Variants in MAP3K13 observed in about 807,000 individuals in gnomAD.
The protein encoded by MAP3K13 is leucine zipper-bearing kinase.
In MAP3K13, 52 loss-of-function variants were observed where a neutral mutation model predicts 104.0. The observed-to-expected ratio is 0.50, with a 90% CI of 0.40 to 0.63. The LOEUF is 0.63. Ranked by LOEUF, MAP3K13 falls within the 20% of genes least tolerant of loss-of-function variation. The pLI, the probability that MAP3K13 is intolerant of heterozygous loss-of-function variation, is 0.00. For missense variants in MAP3K13, 914 were observed against 1,218.5 expected (o/e 0.75, Z 3.72); for synonymous variants, 394 against 442.2 (o/e 0.89, Z 1.37).
At chr3:185,314,214 A>G (rs1288392881) in intron 2 of MAP3K13, among the ~76,000 whole-genome samples, 1 of 152,352 alleles carries the variant, frequency 6.6e-6, no homozygotes, top group East Asian at 1.9e-4. Flanking sequence ...AATGCAAGTG[A>G]GTGCTCCCTT....
chr3:185,435,655 G>C (rs995083642), intron 2 of MAP3K13, among the ~76,000 whole-genome samples: 2 of 152,094 alleles, frequency 1.3e-5, no homozygotes, highest in Admixed American at 6.5e-5. Context: ...CAGGAGAACG[G>C]GATGAAGGCC....
intron 2 of MAP3K13, among the ~76,000 whole-genome samples, chr3:185,349,315 C>G (rs543956058): frequency 6.6e-6 from 1 of 152,022 alleles, no homozygotes; most frequent in Non-Finnish European, 1.5e-5. Context: ...TCCATCTTTA[C>G]GTACATGTGT....
chr3:185,357,323 C>A (rs1242053840), intron 2 of MAP3K13, among the ~76,000 whole-genome samples: 1 of 151,432 alleles, frequency 6.6e-6, no homozygotes, highest in Non-Finnish European at 1.5e-5. Flanking sequence ...TGGCGGGCGC[C>A]TGTAATCTCA....
intron 1 of MAP3K13, among the ~76,000 whole-genome samples, chr3:185,422,045 G>A (rs1019062764): frequency 6.6e-6 from 1 of 152,184 alleles, no homozygotes; most frequent in Non-Finnish European, 1.5e-5. Flanking sequence ...CACCCTTGAG[G>A]TTTACCTCAC....
chr3:185,429,103 C>T (rs1714603339), intron 2 of MAP3K13, 47 bp downstream of exon 2: 2 of 1,542,750 alleles, frequency 1.3e-6, no homozygotes, highest in Admixed American at 1.7e-5. Context: ...GTAAACACAC[C>T]ATCACCACCA....
At chr3:185,381,889 T>TA (rs1724738719) in intron 1 of MAP3K13, among the ~76,000 whole-genome samples, 1 of 152,222 alleles carries the variant, frequency 6.6e-6, no homozygotes, top group African/African-American at 2.4e-5. Context: ...CCTAACCCTA[T>TA]ACTTCCCCTA....
At chr3:185,348,755 A>G (rs1217910824) in intron 2 of MAP3K13, among the ~76,000 whole-genome samples, 1 of 152,072 alleles carries the variant, frequency 6.6e-6, no homozygotes, top group Non-Finnish European at 1.5e-5. Context: ...TGTCTTTACT[A>G]AAAATACAAA....
At chr3:185,304,600 T>G (rs1721214660) in intron 2 of MAP3K13, among the ~76,000 whole-genome samples, 1 of 152,150 alleles carries the variant, frequency 6.6e-6, no homozygotes, top group African/African-American at 2.4e-5. Context: ...TTTTTTAATT[T>G]CAAGTCTCTT....
chr3:185,401,795 T>C (rs1164723661), intron 1 of MAP3K13, among the ~76,000 whole-genome samples: 1 of 152,212 alleles, frequency 6.6e-6, no homozygotes, highest in African/African-American at 2.4e-5. Flanking sequence ...CATACTTCCA[T>C]GTGGAAATGA....
chr3:185,321,759 A>G (rs961879828), intron 2 of MAP3K13, among the ~76,000 whole-genome samples: 2 of 152,154 alleles, frequency 1.3e-5, no homozygotes, highest in African/African-American at 4.8e-5. Flanking sequence ...ATGCGCCACC[A>G]TGCCCGGCTA....
At chr3:185,331,912 A>T (rs1237343338) in intron 2 of MAP3K13, among the ~76,000 whole-genome samples, 2 of 152,144 alleles carry the variant, frequency 1.3e-5, no homozygotes, top group African/African-American at 4.8e-5. Flanking sequence ...AAATGTTTTC[A>T]GTTGTAATAT....
At chr3:185,363,401 C>T in intron 1 of MAP3K13, 33 bp downstream of exon 1, 1 of 943,100 alleles carries the variant, frequency 1.1e-6, no homozygotes, top group Non-Finnish European at 1.3e-6. Flanking sequence ...CCTGTTTCTT[C>T]AGTATTTATT....
intron 1 of MAP3K13, among the ~76,000 whole-genome samples, chr3:185,413,805 G>A (rs1051846183): frequency 6.6e-6 from 1 of 151,972 alleles, no homozygotes; most frequent in Non-Finnish European, 1.5e-5. Flanking sequence ...CTGGGCGACA[G>A]AGCGAGATTC....
At chr3:185,406,196 AG>A (rs1460872149) in intron 1 of MAP3K13, among the ~76,000 whole-genome samples, 1 of 152,210 alleles carries the variant, frequency 6.6e-6, no homozygotes, top group Non-Finnish European at 1.5e-5. Context: ...TCAGAAAAAC[AG>A]GAAGCCCAGG....
At chr3:185,327,070 G>T (rs866907739) in intron 2 of MAP3K13, among the ~76,000 whole-genome samples, 1 of 152,070 alleles carries the variant, frequency 6.6e-6, no homozygotes, top group Non-Finnish European at 1.5e-5. Flanking sequence ...GACCAACATG[G>T]GTCTCACTAG....
At chr3:185,455,017 G>C (rs532749908) in intron 7 of MAP3K13, among the ~76,000 whole-genome samples, 74 of 17,718 alleles carry the variant, frequency 4.2e-3, no homozygotes, top group African/African-American at 8.0e-3. Context: ...AGATATATAT[G>C]ATATATATGA....
At chr3:185,386,364 A>ATACC (rs1345821116) in intron 1 of MAP3K13, among the ~76,000 whole-genome samples, 2 of 152,220 alleles carry the variant, frequency 1.3e-5, no homozygotes, top group Admixed American at 6.5e-5. Context: ...CCATGATGAA[A>ATACC]TACCACCTCA....
chr3:185,377,686 G>A (rs966557462), intron 1 of MAP3K13, among the ~76,000 whole-genome samples: 1 of 152,214 alleles, frequency 6.6e-6, no homozygotes, highest in Non-Finnish European at 1.5e-5. Context: ...AGGTAATGTG[G>A]AGTAGGTAGC....
At chr3:185,360,253 C>G (rs572450707), upstream of MAP3K13, among the ~76,000 whole-genome samples, 4 of 152,284 alleles carry the variant, frequency 2.6e-5, no homozygotes, top group African/African-American at 9.6e-5. Context: ...CCATAGCCAC[C>G]AGCTAAATGT....
Sources: gnomAD v4.1 joint callset for allele counts (sites outside exome capture counted in the v4.1 genomes callset) on GRCh38, gnomAD v4.1.1 for gene constraint, MANE v1.5 for transcripts, NCBI Gene and HGNC (gene_info 2026-07-23, HGNC 2026-07-21) for gene names.